SCRIB: variants seen among roughly 807,000 people sequenced by gnomAD.
SCRIB encodes the protein protein scribble homolog.
SCRIB carries 72 observed loss-of-function variants against 170.0 expected under a neutral mutation model. The observed-to-expected ratio is 0.42, with a 90% CI of 0.35 to 0.52. SCRIB has a LOEUF of 0.52. Among genes scored for constraint, SCRIB ranks in the 20% least tolerant of loss-of-function variants. The pLI, the probability that SCRIB is intolerant of heterozygous loss-of-function variation, is 0.02. For missense variants in SCRIB, 2,475 were observed against 2,338.5 expected (o/e 1.06, Z -1.20); for synonymous variants, 1,298 against 1,044.3 (o/e 1.24, Z -4.68).
At chr8:143,795,594 G>T in intron 24 of SCRIB, 64 bp from the exon 25 acceptor site, 1 of 1,372,974 alleles carries the variant, frequency 7.3e-7, no homozygotes, top group African/African-American at 1.4e-5. Context: ...TCTGGGGCAG[G>T]CTGGGGTCCC....
intron 15 of SCRIB, among the ~76,000 whole-genome samples, chr8:143,808,128 G>A (rs1018412124): frequency 6.6e-6 from 1 of 152,182 alleles, no homozygotes; most frequent in Non-Finnish European, 1.5e-5. Context: ...TCCCAGGAGA[G>A]CCCAGTGATC....
At chr8:143,799,026 G>C (rs1815062336) in intron 24 of SCRIB, among the ~76,000 whole-genome samples, 1 of 152,208 alleles carries the variant, frequency 6.6e-6, no homozygotes, top group Non-Finnish European at 1.5e-5. Context: ...GGAAAATAAA[G>C]ACTCATAAGT....
chr8:143,791,963 C>T, intron 33 of SCRIB, 28 bp downstream of exon 33: 3 of 1,446,156 alleles, frequency 2.1e-6, no homozygotes, highest in Non-Finnish European at 2.7e-6. Flanking sequence ...GGCAGGCTGA[C>T]CCCCCCGACC....
At chr8:143,812,449 C>T in intron 8 of SCRIB, 65 bp from the exon 9 acceptor site, 2 of 1,226,564 alleles carry the variant, frequency 1.6e-6, no homozygotes, top group Non-Finnish European at 1.2e-6. Flanking sequence ...ACCCACCTGG[C>T]CAGAAGCGCC....
intron 1 of SCRIB, 79 bp downstream of exon 1, chr8:143,815,135 C>G: frequency 7.1e-7 from 1 of 1,403,408 alleles, no homozygotes. Context: ...TGCGGTGACT[C>G]GCCCGGGCAG....
chr8:143,793,873 G>T, intron 28 of SCRIB, 27 bp downstream of exon 28: 1 of 1,610,486 alleles, frequency 6.2e-7, no homozygotes. Flanking sequence ...CCACCATGGG[G>T]CACACCCGTT....
intron 14 of SCRIB, 41 bp downstream of exon 14, chr8:143,809,510 C>A (rs984693943): frequency 1.3e-6 from 2 of 1,584,826 alleles, no homozygotes; most frequent in African/African-American, 2.7e-5. Flanking sequence ...AGCCCCCACC[C>A]AGCAGGCCCA....
intron 35 of SCRIB, 28 bp from the exon 36 acceptor site, chr8:143,791,468 C>G: frequency 6.2e-7 from 1 of 1,606,156 alleles, no homozygotes; most frequent in Non-Finnish European, 8.5e-7. Context: ...TTGGTCAGGC[C>G]GGTGCCAGCC....
chr8:143,792,476 G>A lies in SCRIB; in HGVS notation c.4328+9C>T. On this transcript the variant is annotated intron_variant, in intron 31 of 36. Coordinates refer to ENST00000356994, the MANE Select transcript of SCRIB (RefSeq NM_182706.5). ...GTGAGTAGGGGGCGTCTGGTGGGCG[G>A]GTGCTCACCTTGAGGTGGGGCTCGG... 2 of 1,530,976 alleles carry A rather than the reference G, an allele frequency of 1.3e-6. No homozygotes were observed. Among genetic ancestry groups the A allele is most frequent in the African/African-American group, 2.7e-5 (2 of 73,940 alleles). The allele number at this position is 1,530,976 out of a possible 1,614,324, so 94.8% of individuals were successfully genotyped here. A position where few individuals can be genotyped will look rare whatever the true frequency, so the allele number is the denominator to read the frequency against.
intron 1 of SCRIB, among the ~76,000 whole-genome samples, chr8:143,814,623 G>A (rs1298528169): frequency 1.3e-5 from 2 of 152,178 alleles, no homozygotes; most frequent in Non-Finnish European, 2.9e-5. Context: ...CCAGAACAGG[G>A]TCACATTCTT....
intron 24 of SCRIB, among the ~76,000 whole-genome samples, chr8:143,801,213 G>A (rs1271473626): frequency 2.6e-5 from 4 of 152,244 alleles, no homozygotes; most frequent in Non-Finnish European, 4.4e-5. Context: ...TGTGGGGACA[G>A]CTATGCATCC....
intron 28 of SCRIB, 67 bp from the exon 29 acceptor site, chr8:143,793,150 C>G: frequency 2.3e-6 from 2 of 878,568 alleles, no homozygotes; most frequent in Non-Finnish European, 3.2e-6. Flanking sequence ...GTGCAACTCA[C>G]CACCGGCTGT....
At position 143,792,067 on chromosome 8, in the gene SCRIB, C is replaced by A. The variant is rs1554632887; in HGVS notation, c.4581G>T (p.Arg1527=). Residue 1527 remains arginine, a synonymous_variant, in exon 33 of 37, where the codon CGG becomes CGT. Transcript: ENST00000356994. ...GTCGCTCCAGGGGCCCCCGCGTGCC[C>A]CGGCCTTCCTGGGACCTGCTGAGGA... ...QMVLSRSQEG[R]GTRGPLERLA... is the part of the protein sequence containing the mutation. The A allele has an allele frequency of 6.3e-7, 1 of 1,593,912 alleles. No homozygotes were observed. The highest frequency in any genetic ancestry group is 1.1e-5 in the South Asian group (1 of 89,718).
chr8:143,813,963 T>A, intron 2 of SCRIB, 38 bp downstream of exon 2: 1 of 1,577,830 alleles, frequency 6.3e-7, no homozygotes, highest in African/African-American at 1.3e-5. Context: ...CAGCGGACAC[T>A]CCCCAGACCC....
At chr8:143,799,803 G>A (rs577452856) in intron 24 of SCRIB, among the ~76,000 whole-genome samples, 7 of 143,970 alleles carry the variant, frequency 4.9e-5, no homozygotes, top group East Asian at 1.9e-4. Flanking sequence ...GACGTGGGCC[G>A]TAGAAAGCAG....
chr8:143,810,988 C>G lies in SCRIB; in HGVS notation c.1191G>C (p.Arg397=). Residue 397 remains arginine (R), a synonymous_variant, in exon 11 of 37, where the codon CGG becomes CGC. Transcript: ENST00000356994. Reference sequence around the variant, plus strand: ...TCCGGGCATCATCCTCCGTCTGGAACCGGAGCATGGGCTGCGCCTGGTTCT... The same window carrying G: ...TCCGGGCATCATCCTCCGTCTGGAAGCGGAGCATGGGCTGCGCCTGGTTCT... ...LAENQAQPML[R]FQTEDDARTG... 6.2e-7 allele frequency: 1 copy of G among 1,611,700 alleles called. No individual in the cohort carries two copies. The highest frequency in any genetic ancestry group is 1.7e-4 in the Middle Eastern group (1 of 6,058).
Position 143,808,910 on chromosome 8 carries a change from T to C in SCRIB, c.1814A>G (p.Lys605Arg). 6.2e-7 allele frequency: 1 copy of C among 1,610,908 alleles called. No individual in the cohort carries two copies. The highest frequency in any genetic ancestry group is 8.5e-7 in the Non-Finnish European group (1 of 1,179,968). The change falls in exon 15 of 37, where the codon AAG becomes AGG. Residue 605 changes from lysine to arginine, a missense_variant. Physicochemically the swap from Lys to Arg is conservative, Grantham distance 26. This residue lies in a region of SCRIB where 1,966 missense variants were observed against 1,742.9 expected (regional missense o/e 1.13). Coordinates refer to ENST00000356994, the MANE Select transcript of SCRIB (RefSeq NM_182706.5). ...GTGCTTTTTGTAGTGAGGTGTGTCC[T>C]TGCGGATGAGCCGCTGCCTCCCGCC... ...LPGGRQRLIR[K>R]DTPHYKKHFK...
Position 143,792,250 on chromosome 8 carries a change from G to A in SCRIB, c.4484C>T (p.Ala1495Val). 2.5e-6 allele frequency: 4 copies of A among 1,573,818 alleles called. No individual in the cohort carries two copies. Among genetic ancestry groups the A allele is most frequent in the Non-Finnish European group, 3.4e-6 (4 of 1,166,970 alleles). ...LSPAELRALE[A>V]EKRALWRAAR... The stretch of plus-strand genomic sequence containing the variant: ...TGCCCTCCACAGCGCACGCTTCTCG[G>A]CCTCCAGGGCCCGGAGCTCGGCAGG... The change falls in exon 32 of 37, where the codon GCC becomes GTC. Residue 1495 changes from alanine (A) to valine (V), a missense_variant. Physicochemically the swap from Ala to Val is moderately conservative, Grantham distance 64. Transcript: ENST00000356994.
intron 24 of SCRIB, among the ~76,000 whole-genome samples, chr8:143,801,711 T>C (rs1374100044): frequency 6.6e-6 from 1 of 151,512 alleles, no homozygotes; most frequent in Non-Finnish European, 1.5e-5. Flanking sequence ...GGGAAAGAGG[T>C]AGCAGTGACG....
Sources: gnomAD v4.1 joint callset for allele counts (sites outside exome capture counted in the v4.1 genomes callset) on GRCh38, gnomAD v4.1.1 for gene constraint, gnomAD v4.1.1 regional missense constraint, MANE v1.5 for transcripts, NCBI Gene and HGNC (gene_info 2026-07-23, HGNC 2026-07-21) for gene names.